The following GATA4 variants were observed in gnomAD, a reference collection of about 807,000 sequenced individuals.
The protein encoded by GATA4 is GATA binding protein 4.
A neutral mutation model predicts 37.9 loss-of-function variants in GATA4; 7 were observed. The observed-to-expected ratio is 0.18, with a 90% confidence interval of 0.11 to 0.35. The LOEUF is 0.35. GATA4 is among the 10% of genes least tolerant of loss of function. The pLI, the probability that GATA4 is intolerant of heterozygous loss-of-function variation, is 1.00. For missense variants in GATA4, 647 were observed against 653.0 expected, an observed-to-expected ratio of 0.99 and a Z score of 0.10; for synonymous variants, 372 against 292.6, an observed-to-expected ratio of 1.27 and a Z score of -2.77.
chr8:11,731,895 AG>A (rs527275742), intron 2 of GATA4, among the ~76,000 whole-genome samples: 58 of 152,340 alleles, frequency 3.8e-4, no homozygotes, highest in Admixed American at 3.4e-3. Flanking sequence ...AGGTAGAACT[AG>A]CCATCCAGAA....
chr8:11,694,378 C>T, intron 1 of GATA4: 1 of 509,110 alleles, frequency 2.0e-6, no homozygotes, highest in Non-Finnish European at 2.5e-6. Context: ...TTGCCTGTTT[C>T]ACTCAAGGCC....
At chr8:11,694,087 C>G (rs983720239) in intron 1 of GATA4, among the ~76,000 whole-genome samples, 1 of 152,176 alleles carries the variant, frequency 6.6e-6, no homozygotes, top group Admixed American at 6.5e-5. Flanking sequence ...CCTTCCTGCT[C>G]GTGTCTGCCA....
chr8:11,745,049 T>C (rs1801960789), intron 2 of GATA4, among the ~76,000 whole-genome samples: 1 of 152,246 alleles, frequency 6.6e-6, no homozygotes, highest in Admixed American at 6.5e-5. Context: ...AGTGATTAAA[T>C]AGCAGATGCT....
intron 2 of GATA4, among the ~76,000 whole-genome samples, chr8:11,730,906 C>T (rs1801175199): frequency 6.6e-6 from 1 of 152,208 alleles, no homozygotes; most frequent in Non-Finnish European, 1.5e-5. Flanking sequence ...GTGTCATCTG[C>T]CTTGGGAGCT....
chr8:11,684,865 T>A (rs993811393), intron 1 of GATA4, among the ~76,000 whole-genome samples: 29 of 152,212 alleles, frequency 1.9e-4, no homozygotes, highest in Non-Finnish European at 4.0e-4. Context: ...ATAAATATGT[T>A]TTTTATTTAG....
intron 1 of GATA4, among the ~76,000 whole-genome samples, chr8:11,705,539 TG>T (rs1364351069): frequency 6.6e-6 from 1 of 152,184 alleles, no homozygotes; most frequent in Non-Finnish European, 1.5e-5. Flanking sequence ...CCTGCGAATT[TG>T]GGGTGAACTG....
chr8:11,699,897 G>C (rs1049219495), upstream of GATA4, among the ~76,000 whole-genome samples: 3 of 152,130 alleles, frequency 2.0e-5, no homozygotes, highest in African/African-American at 7.2e-5. Flanking sequence ...AGGAAACTCA[G>C]AACAATTTTT....
chr8:11,700,944 C>T (rs557404100), upstream of GATA4, among the ~76,000 whole-genome samples: 61 of 152,322 alleles, frequency 4.0e-4, no homozygotes, highest in African/African-American at 1.4e-3. Flanking sequence ...CCACCAAAAA[C>T]TCGCAGAAAC....
intron 2 of GATA4, among the ~76,000 whole-genome samples, chr8:11,744,517 C>G (rs1801935417): frequency 6.6e-5 from 10 of 152,278 alleles, no homozygotes; most frequent in Admixed American, 4.6e-4. Context: ...CTCTCAGTGC[C>G]TTTCGTAGGA....
At chr8:11,683,724 T>G (rs1799051809) in intron 1 of GATA4, among the ~76,000 whole-genome samples, 1 of 152,194 alleles carries the variant, frequency 6.6e-6, no homozygotes, top group African/African-American at 2.4e-5. Context: ...GCTCACTTGT[T>G]TGCCCCAAGA....
chr8:11,755,078 G>T lies in GATA4; in HGVS notation c.945G>T (p.Gly315=). Reference sequence around the variant, plus strand: ...GGCCTCTTGCAATGCGGAAAGAGGGGATCCAAACCAGAAAACGGAAGCCCA... The same window carrying T: ...GGCCTCTTGCAATGCGGAAAGAGGGTATCCAAACCAGAAAACGGAAGCCCA... ...VPRPLAMRKE[G]IQTRKRKPKN... is the part of the protein sequence containing the mutation. The change falls in exon 5 of 7, where the codon GGG becomes GGT. Residue 315 remains glycine, a synonymous_variant. Coordinates refer to ENST00000532059, the MANE Select transcript of GATA4 (RefSeq NM_001308093.3). 1 of 1,614,142 alleles carries T rather than the reference G, an allele frequency of 6.2e-7. No homozygotes were observed. The highest frequency in any genetic ancestry group is 8.5e-7 in the Non-Finnish European group (1 of 1,180,012).
chr8:11,753,223 C>T (rs1204225746), intron 4 of GATA4, among the ~76,000 whole-genome samples: 4 of 152,080 alleles, frequency 2.6e-5, no homozygotes, highest in African/African-American at 4.8e-5. Context: ...ATTACTCAGC[C>T]TTTAAAAGGA....
rs200555437 is a variant in GATA4, at chr8:11,749,101, G to T, written c.786+16G>T. Reference sequence around the variant, plus strand: ...GCGCCGGCTGGTAAGCACGTGCCTCGCAGCCTCCTCTGGGCACCTGGCTGC... The same window carrying T: ...GCGCCGGCTGGTAAGCACGTGCCTCTCAGCCTCCTCTGGGCACCTGGCTGC... On this transcript the variant is annotated intron_variant, in intron 3 of 6. Transcript: ENST00000532059. This position sits in a 1 kb window ranked among gnomAD's most constrained non-coding sequence, Gnocchi z 4.6. 6.2e-7 allele frequency: 1 copy of T among 1,613,362 alleles called. No homozygotes were observed. The highest frequency in any genetic ancestry group is 8.5e-7 in the Non-Finnish European group (1 of 1,179,676).
In GATA4 at chr8:11,708,860, C is replaced by G. The variant is rs1800027710; in HGVS notation, c.548C>G (p.Pro183Arg). 6.6e-7 allele frequency: 1 copy of G among 1,508,034 alleles called. No individual in the cohort carries two copies. The highest frequency in any genetic ancestry group is 1.4e-5 in the African/African-American group (1 of 69,192). 93.4% of individuals were successfully genotyped at this position (1,508,034 alleles called of 1,614,324 possible). Residue 183 changes from proline (P) to arginine (R), a missense_variant, in exon 2 of 7, where the codon CCC becomes CGC. This residue lies in a region of GATA4 where 379 missense variants were observed against 334.5 expected (regional missense o/e 1.13). Coordinates refer to ENST00000532059, the MANE Select transcript of GATA4 (RefSeq NM_001308093.3). This position sits in a 1 kb window ranked among gnomAD's most constrained non-coding sequence, Gnocchi z 6.7. Reference protein sequence around the residue: ...WAAAAAASAGPFDSPVLHSLP... With the variant: ...WAAAAAASAGRFDSPVLHSLP... ...GCAGCCGCCGCCGCCTCCGCCGGCC[C>G]CTTCGACAGCCCGGTCCTGCACAGC...
intron 2 of GATA4, among the ~76,000 whole-genome samples, chr8:11,736,253 T>C (rs762146685): frequency 1.3e-5 from 2 of 152,194 alleles, no homozygotes; most frequent in African/African-American, 2.4e-5. Context: ...AAACACAAAT[T>C]GAAGGGGACA....
chr8:11,721,803 G>C (rs142175888), intron 2 of GATA4, among the ~76,000 whole-genome samples: 216 of 152,230 alleles, frequency 1.4e-3, no homozygotes, highest in African/African-American at 5.0e-3. Context: ...GGATGACATA[G>C]GATTACAATA....
intron 2 of GATA4, among the ~76,000 whole-genome samples, chr8:11,717,595 C>G (rs1028649872): frequency 1.3e-5 from 2 of 152,156 alleles, no homozygotes; most frequent in African/African-American, 4.8e-5. Flanking sequence ...TTTGCCAAAT[C>G]TGATATGAGG....
rs1799994921 is a variant in GATA4, at chr8:11,708,399, C to G, written c.87C>G (p.Gly29=). The G allele has an allele frequency of 6.5e-7, 1 of 1,541,264 alleles. No individual in the cohort carries two copies. The highest frequency in any genetic ancestry group is 8.7e-7 in the Non-Finnish European group (1 of 1,150,172). ...GCGGCCCCGGCGCCTTCATGCACGG[C>G]GCGGGCGCCGCGTCCTCGCCAGTCT... ...EAGGPGAFMH[G]AGAASSPVYV... The change falls in exon 2 of 7, where the codon GGC becomes GGG. Residue 29 remains glycine (G), a synonymous_variant. Coordinates refer to ENST00000532059, the MANE Select transcript of GATA4 (RefSeq NM_001308093.3). The surrounding 1 kb of genome is among the most constrained non-coding windows in gnomAD (Gnocchi z 6.7).
Position 11,758,359 on chromosome 8 carries a change from C to T in GATA4, c.1216C>T (p.Leu406Phe). Residue 406 changes from leucine to phenylalanine, a missense_variant, in exon 7 of 7, where the codon CTC becomes TTC. By Grantham distance (22) the Leu-to-Phe change is conservative. This residue lies in a region of GATA4 where 184 missense variants were observed against 157.1 expected (regional missense o/e 1.17). Transcript: ENST00000532059. ...CCACCCTGTCCTCTCGGCCCTGAAG[C>T]TCTCCCCACAAGGCTATGCGTCTCC... ...SIHPVLSALK[L>F]SPQGYASPVS... 1 of 1,614,202 alleles carries T rather than the reference C, an allele frequency of 6.2e-7. No homozygotes were observed. Among genetic ancestry groups the T allele is most frequent in the Non-Finnish European group, 8.5e-7 (1 of 1,180,020 alleles).
Sources: gnomAD v4.1 joint callset for allele counts (sites outside exome capture counted in the v4.1 genomes callset) on GRCh38, gnomAD v4.1.1 for gene constraint, gnomAD v4.1.1 regional missense constraint, Gnocchi (gnomAD v3.1) non-coding constraint, MANE v1.5 for transcripts, NCBI Gene and HGNC (gene_info 2026-07-23, HGNC 2026-07-21) for gene names.